FOXP1: variants seen among roughly 807,000 people sequenced by gnomAD.
The protein encoded by FOXP1 is forkhead box protein P1.
FOXP1 carries 15 observed loss-of-function variants against 98.2 expected under a neutral mutation model. That is an observed-to-expected ratio of 0.15 (90% CI 0.10 to 0.24). The LOEUF is 0.24. Ranked by LOEUF, FOXP1 falls within the 10% of genes least tolerant of loss-of-function variation. The probability of loss-of-function intolerance (pLI) is 1.00; values close to 1 mark genes in which losing one functional copy is unlikely to be tolerated. For missense variants in FOXP1, 633 were observed against 848.5 expected (o/e 0.75, Z 3.15); for synonymous variants, 371 against 314.5 (o/e 1.18, Z -1.90).
chr3:71,410,781 A>G (rs2082672022), intron 3 of FOXP1, among the ~76,000 whole-genome samples: 1 of 152,232 alleles, frequency 6.6e-6, no homozygotes, highest in South Asian at 2.1e-4. Context: ...TCAAAGTTGA[A>G]AGACACATCA....
intron 5 of FOXP1, chr3:71,244,868 T>C (rs1024211218): frequency 6.7e-6 from 1 of 149,506 alleles, no homozygotes; most frequent in Non-Finnish European, 1.5e-5. Context: ...ATGTTCCTAG[T>C]AAAAGGCTCC....
intron 5 of FOXP1, among the ~76,000 whole-genome samples, chr3:71,236,750 A>T (rs190886122): frequency 1.3e-3 from 201 of 152,064 alleles, no homozygotes; most frequent in African/African-American, 4.6e-3. Flanking sequence ...GGTGGTTTCC[A>T]CAGTCCCAGC....
At chr3:71,130,334 G>C (rs1208823580) in intron 6 of FOXP1, among the ~76,000 whole-genome samples, 1 of 151,924 alleles carries the variant, frequency 6.6e-6, no homozygotes, top group Non-Finnish European at 1.5e-5. Context: ...TCTCTAAAAA[G>C]AAAAAAGCCT....
chr3:71,122,493 A>G (rs1318533765), intron 6 of FOXP1, among the ~76,000 whole-genome samples: 1 of 152,198 alleles, frequency 6.6e-6, no homozygotes, highest in African/African-American at 2.4e-5. Context: ...AATAGCTAAG[A>G]TTGTATCTGT....
intron 11 of FOXP1, among the ~76,000 whole-genome samples, chr3:71,036,206 T>C (rs1289376530): frequency 1.3e-5 from 2 of 152,148 alleles, no homozygotes; most frequent in African/African-American, 4.8e-5. Flanking sequence ...AACTGCCAAC[T>C]GTGGAGTGGA....
chr3:71,004,156 GACAA>G (rs1247851464), intron 12 of FOXP1, among the ~76,000 whole-genome samples: 1 of 152,010 alleles, frequency 6.6e-6, no homozygotes, highest in Non-Finnish European at 1.5e-5. Context: ...TCAAATGTTA[GACAA>G]ACATTTGTTT....
At chr3:71,240,602 G>A (rs1208015103) in intron 5 of FOXP1, among the ~76,000 whole-genome samples, 1 of 152,048 alleles carries the variant, frequency 6.6e-6, no homozygotes, top group Non-Finnish European at 1.5e-5. Flanking sequence ...GAGTGTAGTG[G>A]CGCGATCTCG....
At position 71,010,339 on chromosome 3, in the gene FOXP1, T is replaced by G. The variant is rs563943348; in HGVS notation, c.974+5210A>C. On this transcript the variant is annotated intron_variant, in intron 12 of 20. Transcript: ENST00000649528. ...GGGTTTGGACCTTGACTCCACCTCT[T>G]ATTAGCTGTGTGACCTTGGGTAAAT... Among the ~76,000 whole-genome samples, 5 of 152,282 alleles carry G rather than the reference T, an allele frequency of 3.3e-5. No homozygotes were observed. In the South Asian group the frequency reaches 1.0e-3, roughly 32 times the overall value.
At chr3:71,244,532 A>G (rs181283690) in intron 5 of FOXP1, among the ~76,000 whole-genome samples, 258 of 152,096 alleles carry the variant, frequency 1.7e-3, no homozygotes, top group Non-Finnish European at 2.5e-3. Context: ...GAAGAAAAAG[A>G]AAAAGAAATA....
At position 70,956,087 on chromosome 3, in the gene FOXP1, G is replaced by A. The variant is rs1332568595; in HGVS notation, c.*3160C>T. ...TCCAAAGCTATTTTTTTTTAGTATC[G>A]TTAATATAAAGCAGTTGCACAAAAA... On this transcript the variant is annotated 3_prime_UTR_variant, in exon 21 of 21. Transcript: ENST00000649528. 4 of 232,466 alleles carry A rather than the reference G, an allele frequency of 1.7e-5. No individual in the cohort carries two copies. The highest frequency in any genetic ancestry group is 6.0e-5 in the East Asian group (1 of 16,538). The allele number at this position is 232,466 out of a possible 1,614,324, so 14.4% of individuals were successfully genotyped here.
intron 5 of FOXP1, among the ~76,000 whole-genome samples, chr3:71,208,554 G>GTGTGTGTGTC (rs1400326045): frequency 2.6e-5 from 4 of 152,084 alleles, no homozygotes; most frequent in African/African-American, 9.7e-5. Flanking sequence ...GTGTGTGTGT[G>GTGTGTGTGTC]TGTGTGTGTC....
intron 10 of FOXP1, among the ~76,000 whole-genome samples, chr3:71,045,004 A>C (rs895562306): frequency 2.0e-5 from 3 of 152,198 alleles, no homozygotes; most frequent in African/African-American, 7.2e-5. Flanking sequence ...TGAATTCTCT[A>C]GCCACTTGAG....
intron 17 of FOXP1, among the ~76,000 whole-genome samples, chr3:70,975,152 A>G (rs774922273): frequency 2.6e-5 from 4 of 152,248 alleles, no homozygotes; most frequent in Non-Finnish European, 5.9e-5. Context: ...GAAAAAGTGC[A>G]ATCTGAAGAT....
chr3:71,126,225 C>T (rs539576337), intron 6 of FOXP1, among the ~76,000 whole-genome samples: 2 of 152,150 alleles, frequency 1.3e-5, no homozygotes, highest in South Asian at 4.1e-4. Context: ...TGGCTCACAC[C>T]TGTAATCCCA....
intron 4 of FOXP1, among the ~76,000 whole-genome samples, chr3:71,338,124 T>A (rs2076799237): frequency 6.6e-6 from 1 of 152,112 alleles, no homozygotes; most frequent in South Asian, 2.1e-4. Context: ...CTAAGCAGGA[T>A]AAATGACATA....
intron 2 of FOXP1, among the ~76,000 whole-genome samples, chr3:71,501,420 G>A (rs2041348512): frequency 1.3e-5 from 2 of 150,072 alleles, no homozygotes; most frequent in Admixed American, 6.7e-5. Flanking sequence ...TCAGCGTCCC[G>A]AGTAGCTGGG....
At chr3:71,501,718 C>G (rs1479044729) in intron 2 of FOXP1, among the ~76,000 whole-genome samples, 1 of 152,146 alleles carries the variant, frequency 6.6e-6, no homozygotes, top group Non-Finnish European at 1.5e-5. Context: ...TGACTATAGT[C>G]AAAATAATTT....
chr3:71,468,063 T>C (rs780932544), intron 3 of FOXP1, among the ~76,000 whole-genome samples: 1 of 152,108 alleles, frequency 6.6e-6, no homozygotes, highest in Admixed American at 6.5e-5. Flanking sequence ...AAGATCAAGA[T>C]ACCTGATCAT....
chr3:71,346,487 T>C (rs986082552), intron 4 of FOXP1, among the ~76,000 whole-genome samples: 1 of 152,230 alleles, frequency 6.6e-6, no homozygotes, highest in African/African-American at 2.4e-5. Context: ...AGGAATAAAT[T>C]TAATTAATAC....
Sources: allele counts gnomAD v4.1 joint callset (sites outside exome capture counted in the v4.1 genomes callset), GRCh38; gene constraint gnomAD v4.1.1; transcripts MANE v1.5; gene names NCBI Gene and HGNC (gene_info 2026-07-23, HGNC 2026-07-21).